The following CPNE4 variants were observed in gnomAD, a reference collection of about 807,000 sequenced individuals.
The protein encoded by CPNE4 is copine 4.
In CPNE4, 25 loss-of-function variants were observed where a neutral mutation model predicts 67.9. The observed-to-expected ratio is 0.37, with a 90% confidence interval of 0.27 to 0.51. The LOEUF (loss-of-function observed/expected upper bound fraction) is 0.51. Ranked by LOEUF, CPNE4 falls within the 20% of genes least tolerant of loss-of-function variation. The probability of loss-of-function intolerance (pLI) is 0.93; values close to 1 mark genes in which losing one functional copy is unlikely to be tolerated. For missense variants in CPNE4, 464 were observed against 690.8 expected, an observed-to-expected ratio of 0.67 and a Z score of 3.68; for synonymous variants, 242 against 244.9, an observed-to-expected ratio of 0.99 and a Z score of 0.11.
At chr3:131,844,664 A>AT (rs1366351054) in intron 2 of CPNE4, among the ~76,000 whole-genome samples, 1 of 152,236 alleles carries the variant, frequency 6.6e-6, no homozygotes, top group African/African-American at 2.4e-5. Context: ...AATTATTAAC[A>AT]TATTACTAGT....
intron 2 of CPNE4, among the ~76,000 whole-genome samples, chr3:131,835,138 C>A (rs561679899): frequency 6.6e-6 from 1 of 152,272 alleles, no homozygotes; most frequent in South Asian, 2.1e-4. Context: ...ATGAAGGAAG[C>A]CTTGACTGTG....
chr3:131,897,402 T>C (rs910869701), intron 2 of CPNE4, among the ~76,000 whole-genome samples: 9 of 152,108 alleles, frequency 5.9e-5, no homozygotes, highest in African/African-American at 1.9e-4. Flanking sequence ...ATATGGTGCA[T>C]AGCAAACAGT....
At chr3:131,541,276 G>A (rs971591420) in intron 15 of CPNE4, among the ~76,000 whole-genome samples, 2 of 152,196 alleles carry the variant, frequency 1.3e-5, no homozygotes, top group African/African-American at 2.4e-5. Context: ...GTCCTTCTGG[G>A]TGATTACAGC....
intron 1 of CPNE4, among the ~76,000 whole-genome samples, chr3:132,004,891 G>GA (rs912364909): frequency 2.0e-5 from 3 of 151,792 alleles, no homozygotes; most frequent in Non-Finnish European, 4.4e-5. Flanking sequence ...CTCAGAGGTA[G>GA]AAAAAAAATA....
chr3:131,752,194 C>A (rs1310619741), intron 2 of CPNE4, among the ~76,000 whole-genome samples: 1 of 152,136 alleles, frequency 6.6e-6, no homozygotes, highest in Non-Finnish European at 1.5e-5. Context: ...CATTTTCTGA[C>A]ACCATCCTGG....
intron 2 of CPNE4, among the ~76,000 whole-genome samples, chr3:131,798,186 G>A (rs1374160300): frequency 6.6e-6 from 1 of 152,004 alleles, no homozygotes; most frequent in African/African-American, 2.4e-5. Flanking sequence ...TTTGGGAGGG[G>A]GAACACATTC....
intron 7 of CPNE4, among the ~76,000 whole-genome samples, chr3:131,618,799 AG>A (rs1224085267): frequency 6.6e-6 from 1 of 152,118 alleles, no homozygotes; most frequent in African/African-American, 2.4e-5. Flanking sequence ...CCCATTCCCA[AG>A]GAGAGAGACA....
intron 7 of CPNE4, among the ~76,000 whole-genome samples, chr3:131,657,633 C>G (rs993565684): frequency 6.7e-6 from 1 of 148,342 alleles, no homozygotes; most frequent in African/African-American, 2.5e-5. Flanking sequence ...CTCACTGGTT[C>G]AAGAGATTCT....
intron 1 of CPNE4, among the ~76,000 whole-genome samples, chr3:131,981,693 C>T (rs1176410420): frequency 6.6e-6 from 1 of 152,192 alleles, no homozygotes; most frequent in Non-Finnish European, 1.5e-5. Context: ...GCTCATCTCG[C>T]GTTGGATCAC....
At chr3:131,931,422 A>G (rs887587498) in intron 1 of CPNE4, among the ~76,000 whole-genome samples, 7 of 152,186 alleles carry the variant, frequency 4.6e-5, no homozygotes, top group Non-Finnish European at 8.8e-5. Context: ...CCATAAGAGA[A>G]CAACATTCAT....
In CPNE4 at chr3:131,982,897, G is replaced by A. The variant is rs563408003; in HGVS notation, c.-2+51670C>T. 1.1e-4 allele frequency among the ~76,000 whole-genome samples: 16 copies of A among 151,916 alleles called. No homozygotes were observed. In the South Asian group the frequency reaches 3.3e-3, roughly 32 times the overall value. ...AATATTCTGCCTACATTATCATCAT[G>A]GATGCTCTAAAGTTTATGCTTCTAT... is the stretch of plus-strand genomic sequence containing the variant. On this transcript the variant is annotated intron_variant, in intron 1 of 15. Transcript: ENST00000429747.
intron 2 of CPNE4, among the ~76,000 whole-genome samples, chr3:131,779,125 AC>A (rs1370563254): frequency 6.6e-6 from 1 of 152,108 alleles, no homozygotes; most frequent in East Asian, 1.9e-4. Flanking sequence ...AATACAGCTA[AC>A]GAGGGAGGTA....
At chr3:131,684,895 TAAG>T (rs1043994627) in intron 6 of CPNE4, among the ~76,000 whole-genome samples, 7 of 152,128 alleles carry the variant, frequency 4.6e-5, no homozygotes, top group African/African-American at 1.7e-4. Context: ...GGTAAGGTAA[TAAG>T]AGATAAAGTT....
intron 8 of CPNE4, among the ~76,000 whole-genome samples, chr3:131,586,615 T>C (rs1446703883): frequency 1.3e-5 from 2 of 152,110 alleles, no homozygotes; most frequent in African/African-American, 4.8e-5. Context: ...CTCCAGCAGA[T>C]AGAGAAATCT....
intron 7 of CPNE4, among the ~76,000 whole-genome samples, chr3:131,661,423 T>TC (rs1264977840): frequency 6.6e-6 from 1 of 152,232 alleles, no homozygotes; most frequent in Non-Finnish European, 1.5e-5. Flanking sequence ...ATGTAGTTTT[T>TC]CTCTCAATTC....
intron 1 of CPNE4, among the ~76,000 whole-genome samples, chr3:131,958,481 T>A (rs2613977): frequency 6.6e-6 from 1 of 151,776 alleles, no homozygotes; most frequent in East Asian, 1.9e-4. Flanking sequence ...GCGATTCTGA[T>A]GCAGTTGATG....
intron 7 of CPNE4, among the ~76,000 whole-genome samples, chr3:131,662,752 A>G (rs998885560): frequency 6.6e-6 from 1 of 152,192 alleles, no homozygotes; most frequent in African/African-American, 2.4e-5. Flanking sequence ...ACAAATCAAA[A>G]CCACAATGAG....
intron 1 of CPNE4, among the ~76,000 whole-genome samples, chr3:131,923,141 T>C (rs931441271): frequency 2.0e-5 from 3 of 152,190 alleles, no homozygotes; most frequent in African/African-American, 7.2e-5. Flanking sequence ...TGAATTAACT[T>C]TATTTTTACT....
At chr3:131,974,335 T>C (rs1560711723) in intron 1 of CPNE4, among the ~76,000 whole-genome samples, 1 of 152,192 alleles carries the variant, frequency 6.6e-6, no homozygotes, top group Non-Finnish European at 1.5e-5. Flanking sequence ...TACACACATG[T>C]GCATGTATGT....
Sources: gnomAD v4.1 joint callset for allele counts (sites outside exome capture counted in the v4.1 genomes callset) on GRCh38, gnomAD v4.1.1 for gene constraint, MANE v1.5 for transcripts, NCBI Gene and HGNC (gene_info 2026-07-23, HGNC 2026-07-21) for gene names.